TEX10: variants seen among roughly 807,000 people sequenced by gnomAD.
TEX10 encodes testis expressed 10.
A neutral mutation model predicts 104.4 loss-of-function variants in TEX10; 24 were observed. The observed-to-expected ratio is 0.23, with a 90% CI of 0.17 to 0.32. TEX10 has a LOEUF of 0.32. Ranked by LOEUF, TEX10 falls within the 10% of genes least tolerant of loss-of-function variation. The pLI is 1.00. For synonymous variants in TEX10, 396 were observed against 393.4 expected (o/e 1.01, Z -0.08); for missense variants, 921 against 1,083.9 (o/e 0.85, Z 2.11).
intron 5 of TEX10, among the ~76,000 whole-genome samples, chr9:100,334,824 T>C (rs1157228317): frequency 6.6e-6 from 1 of 152,006 alleles, no homozygotes; most frequent in Non-Finnish European, 1.5e-5. Context: ...GCCACCACAC[T>C]TGGCTGATTT....
chr9:100,352,296 A>C (rs1835473498), intron 1 of TEX10: 15 of 1,501,176 alleles, frequency 1.0e-5, no homozygotes, highest in Non-Finnish European at 1.4e-5. Flanking sequence ...CGACCCCAGA[A>C]AACTGGTAGT....
At position 100,321,669 on chromosome 9, in the gene TEX10, G is replaced by A. The variant is rs747819151; in HGVS notation, c.2068+14C>T. On this transcript the variant is annotated intron_variant, in intron 10 of 14. Coordinates refer to ENST00000374902, the MANE Select transcript of TEX10 (RefSeq NM_017746.4). ...GGTTTTTTCTTTTTTAATCTGGCAA[G>A]TGAATGTGGTTACCTGTAAGTGTGG... The A allele has an allele frequency of 3.1e-6, 5 of 1,599,264 alleles. No individual in the cohort carries two copies. Among genetic ancestry groups the A allele is most frequent in the Non-Finnish European group, 4.3e-6 (5 of 1,171,152 alleles).
At chr9:100,310,409 A>T in intron 11 of TEX10, 30 bp from the exon 12 acceptor site, 12 of 1,570,332 alleles carry the variant, frequency 7.6e-6, no homozygotes, top group Non-Finnish European at 1.0e-5. Context: ...CCACTAACCA[A>T]ATCAGAACAT....
In TEX10 at chr9:100,347,113, C is replaced by T. The variant is rs758597491; in HGVS notation, c.474G>A (p.Glu158=). 3 of 1,614,152 alleles carry T rather than the reference C, an allele frequency of 1.9e-6. No individual in the cohort carries two copies. Among genetic ancestry groups the T allele is most frequent in the East Asian group, 2.2e-5 (1 of 44,888 alleles). Residue 158 remains glutamate (E), a synonymous_variant, in exon 3 of 15, where the codon GAG becomes GAA. Coordinates refer to ENST00000374902, the MANE Select transcript of TEX10 (RefSeq NM_017746.4). The part of the protein sequence containing the change: ...AMTHITEGIQ[E]DSLKVLDILL... ...GAATGTCCAAAACTTTTAAAGAGTC[C>T]TCCTGAATTCCTTCAGTAATGTGAG...
chr9:100,325,042 TTATTTA>T (rs1834668427), intron 9 of TEX10, among the ~76,000 whole-genome samples: 1 of 152,164 alleles, frequency 6.6e-6, no homozygotes, highest in Admixed American at 6.5e-5. Context: ...AAACAATATT[TTATTTA>T]TATGTTTTTC....
chr9:100,325,081 T>A (rs4237195), intron 9 of TEX10, among the ~76,000 whole-genome samples: 69,091 of 151,976 alleles, frequency 0.45, 17,393 homozygotes, highest in East Asian at 0.89. Flanking sequence ...AAAGGCAAGT[T>A]TATTGTCAGT....
At chr9:100,352,603 G>C (rs374731232) in intron 1 of TEX10, 169 bp downstream of exon 1, 1 of 1,493,148 alleles carries the variant, frequency 6.7e-7, no homozygotes, top group Non-Finnish European at 8.9e-7. Context: ...CGCAGTGCCG[G>C]CCGCACACCC....
At chr9:100,331,625 G>A (rs948831643) in intron 5 of TEX10, among the ~76,000 whole-genome samples, 4 of 152,204 alleles carry the variant, frequency 2.6e-5, no homozygotes, top group Admixed American at 2.0e-4. Flanking sequence ...GACCCGGAAC[G>A]ACAAATGAGC....
chr9:100,304,104 CAG>C (rs1163187063), intron 13 of TEX10: 2 of 514,700 alleles, frequency 3.9e-6, no homozygotes, highest in East Asian at 6.8e-5. Context: ...ACAGATGACA[CAG>C]ATAAATGGAA....
At chr9:100,325,946 TCAC>T (rs1834696005) in intron 9 of TEX10, among the ~76,000 whole-genome samples, 2 of 152,212 alleles carry the variant, frequency 1.3e-5, no homozygotes, top group East Asian at 3.9e-4. Flanking sequence ...CTTGTTTAAT[TCAC>T]CAGCTACATT....
chr9:100,327,716 C>T, intron 8 of TEX10, 71 bp downstream of exon 8: 8 of 1,299,296 alleles, frequency 6.2e-6, no homozygotes, highest in Non-Finnish European at 4.1e-6. Flanking sequence ...ACAGAGCTCC[C>T]CTTAAAAACT....
chr9:100,324,351 A>G (rs543584217), intron 9 of TEX10, among the ~76,000 whole-genome samples: 1 of 152,222 alleles, frequency 6.6e-6, no homozygotes, highest in East Asian at 1.9e-4. Context: ...TTATGACCCT[A>G]TGAAAAGTGA....
intron 1 of TEX10, chr9:100,352,489 G>A (rs1226729293): frequency 6.4e-6 from 10 of 1,551,246 alleles, no homozygotes; most frequent in Non-Finnish European, 8.7e-6. Context: ...CGGGGAAGTG[G>A]GGCCCGATTC....
intron 1 of TEX10, 183 bp downstream of exon 1, chr9:100,352,588 GC>G: frequency 1.3e-6 from 2 of 1,508,926 alleles, no homozygotes. Context: ...AGGGGGTCCC[GC>G]CCCCGCAGTG....
Position 100,310,292 on chromosome 9 carries a change from T to A in TEX10, c.2283+7A>T. The A allele has an allele frequency of 1.9e-6, 3 of 1,613,424 alleles. No individual in the cohort carries two copies. Among genetic ancestry groups the A allele is most frequent in the Non-Finnish European group, 2.5e-6 (3 of 1,179,478 alleles). On this transcript the variant is annotated splice_region_variant and intron_variant, in intron 12 of 14. Coordinates refer to ENST00000374902, the MANE Select transcript of TEX10 (RefSeq NM_017746.4). ...ATTCTTAAGAGAAAAAGTTTAAGGATACTTACCAAATGCTTACTGATGGCA... is the reference window on the plus strand; with the variant it reads ...ATTCTTAAGAGAAAAAGTTTAAGGAAACTTACCAAATGCTTACTGATGGCA...
chr9:100,324,275 T>G (rs1834648512), intron 9 of TEX10, among the ~76,000 whole-genome samples: 1 of 152,084 alleles, frequency 6.6e-6, no homozygotes, highest in Non-Finnish European at 1.5e-5. Context: ...TCAAGTGATC[T>G]GCCTGCCTCA....
chr9:100,309,631 A>T (rs1002056005), intron 12 of TEX10, among the ~76,000 whole-genome samples: 1 of 152,230 alleles, frequency 6.6e-6, no homozygotes, highest in Admixed American at 6.5e-5. Flanking sequence ...CAAGGGAAGT[A>T]ACATTTTAAG....
chr9:100,331,241 AC>A, intron 5 of TEX10, among the ~76,000 whole-genome samples: 1 of 152,350 alleles, frequency 6.6e-6, no homozygotes, highest in Non-Finnish European at 1.5e-5. Flanking sequence ...AACCTGGGCA[AC>A]AGGAGTGAAA....
At chr9:100,352,488 G>T (rs1027834307) in intron 1 of TEX10, 76 of 1,551,120 alleles carry the variant, frequency 4.9e-5, no homozygotes, top group Non-Finnish European at 5.9e-5. Flanking sequence ...TCGGGGAAGT[G>T]GGGCCCGATT....
Sources: allele counts gnomAD v4.1 joint callset (sites outside exome capture counted in the v4.1 genomes callset), GRCh38; gene constraint gnomAD v4.1.1; transcripts MANE v1.5; gene names NCBI Gene and HGNC (gene_info 2026-07-23, HGNC 2026-07-21).